OTOP1: variants seen among roughly 807,000 people sequenced by gnomAD.
OTOP1 encodes otopetrin 1.
In OTOP1, 59 loss-of-function variants were observed where a neutral mutation model predicts 52.9. The ratio of observed to expected loss-of-function variants is 1.12; its 90% confidence interval spans 0.91 to 1.39. The LOEUF is 1.39. Ranked by LOEUF, OTOP1 falls within the 40% of genes most tolerant of loss-of-function variation. The pLI is 0.00. For missense variants in OTOP1, 761 were observed against 800.9 expected (o/e 0.95, Z 0.60); for synonymous variants, 317 against 337.7 (o/e 0.94, Z 0.67).
intron 1 of OTOP1, among the ~76,000 whole-genome samples, chr4:4,225,836 C>G (rs865965258): frequency 6.6e-6 from 1 of 152,020 alleles, no homozygotes; most frequent in Admixed American, 6.6e-5. Flanking sequence ...AACACTGGAG[C>G]CCAGTGCGGG....
rs545813611 is a variant in OTOP1, at chr4:4,203,973, A to G, written c.600-1395T>C. Among the ~76,000 whole-genome samples, 4 of 152,308 alleles carry G rather than the reference A, an allele frequency of 2.6e-5. No individual in the cohort carries two copies. The East Asian group carries it at 5.8e-4, about 22-fold the overall frequency. ...TCAACTCAATACCTATAGGACATCAAAGAAGCTGGGTCTTGGAAGCAGAGC... is the reference window on the plus strand; with the variant it reads ...TCAACTCAATACCTATAGGACATCAGAGAAGCTGGGTCTTGGAAGCAGAGC... On this transcript the variant is annotated intron_variant, in intron 3 of 5. Coordinates refer to ENST00000296358, the MANE Select transcript of OTOP1 (RefSeq NM_177998.3).
In OTOP1 at chr4:4,202,509, C is replaced by T. The variant is rs771507210; in HGVS notation, c.669G>A (p.Lys223=). 1.9e-6 allele frequency: 3 copies of T among 1,614,094 alleles called. No homozygotes were observed. Among genetic ancestry groups the T allele is most frequent in the Middle Eastern group, 1.6e-4 (1 of 6,062 alleles). The change falls in exon 4 of 6, where the codon AAG becomes AAA. Residue 223 remains lysine, a synonymous_variant. Transcript: ENST00000296358. ...GTTCCTTGTGCTCATTGAGTTGGTG[C>T]TTTGACTCATTGAGGACGCCATTGG... ...LWANGVLNES[K]HQLNEHKERL...
chr4:4,206,008 GA>G (rs1241555466), intron 3 of OTOP1, 63 bp downstream of exon 3: 21 of 1,370,734 alleles, frequency 1.5e-5, no homozygotes, highest in Non-Finnish European at 2.2e-5. Flanking sequence ...TGGCAGTGAT[GA>G]GTTTTGAAAA....
rs200290050 is a variant in OTOP1, at chr4:4,188,743, C to T, written c.*60G>A. The T allele has an allele frequency of 1.3e-6, 2 of 1,485,852 alleles. No individual in the cohort carries two copies. The highest frequency in any genetic ancestry group is 1.8e-6 in the Non-Finnish European group (2 of 1,107,710). The allele number at this position is 1,485,852 out of a possible 1,614,324, so 92.0% of individuals were successfully genotyped here. The stretch of plus-strand genomic sequence containing the variant: ...AGGCAATATTTGCCCAACCTGGCCA[C>T]TCCTAGTTGGCTCCAATGAACTCTT... On this transcript the variant is annotated 3_prime_UTR_variant, in exon 6 of 6. Transcript: ENST00000296358.
chr4:4,225,770 G>C (rs1717416613), intron 1 of OTOP1, among the ~76,000 whole-genome samples: 1 of 152,136 alleles, frequency 6.6e-6, no homozygotes, highest in Non-Finnish European at 1.5e-5. Flanking sequence ...CTAGGACCGA[G>C]AGACAGGGAT....
At chr4:4,191,882 A>G (rs1716517259) in intron 5 of OTOP1, among the ~76,000 whole-genome samples, 1 of 152,212 alleles carries the variant, frequency 6.6e-6, no homozygotes, top group Admixed American at 6.5e-5. Context: ...TAGGTACTCA[A>G]GGAACACCTT....
chr4:4,194,023 A>C (rs1488575354), intron 5 of OTOP1, among the ~76,000 whole-genome samples: 2 of 152,098 alleles, frequency 1.3e-5, no homozygotes, highest in East Asian at 3.9e-4. Flanking sequence ...CCCTGTCTCT[A>C]CTAAAAATAG....
chr4:4,191,073 C>T (rs1307854442), intron 5 of OTOP1, among the ~76,000 whole-genome samples: 1 of 152,166 alleles, frequency 6.6e-6, no homozygotes, highest in East Asian at 1.9e-4. Context: ...ACTCAACCCA[C>T]CTTCCCCATT....
In OTOP1 at chr4:4,197,584, C is replaced by T. The variant is rs199980035; in HGVS notation, c.1250G>A (p.Gly417Asp). ...GSILAILCAE[G>D]HPRYTWYNLP... ...GTTGTACCAGGTGTAGCGGGGGTGG[C>T]CCTCAGCACAGAGGATGGCCAAGAT... Residue 417 changes from glycine to aspartate, a missense_variant, in exon 5 of 6, where the codon GGC becomes GAC. By Grantham distance (94) the Gly-to-Asp change is moderately conservative. Transcript: ENST00000296358. 1.1e-3 allele frequency: 1,781 copies of T among 1,613,836 alleles called. 37 individuals are homozygous for T. The South Asian group carries it at 0.018, about 17-fold the overall frequency.
intron 3 of OTOP1, among the ~76,000 whole-genome samples, chr4:4,205,209 C>A (rs1427553760): frequency 6.6e-6 from 1 of 152,202 alleles, no homozygotes; most frequent in Non-Finnish European, 1.5e-5. Flanking sequence ...CCTACACTTG[C>A]TGAGTGCCTG....
chr4:4,208,844 A>C (rs1348326254), intron 2 of OTOP1, among the ~76,000 whole-genome samples: 1 of 152,226 alleles, frequency 6.6e-6, no homozygotes, highest in East Asian at 1.9e-4. Context: ...TGGAAATAGA[A>C]ATAAGAATTA....
intron 1 of OTOP1, among the ~76,000 whole-genome samples, chr4:4,219,872 T>C (rs1437005141): frequency 2.7e-5 from 4 of 146,538 alleles, no homozygotes; most frequent in Admixed American, 6.9e-5. Context: ...TATGTATACA[T>C]ATATGTATAT....
At chr4:4,213,610 C>T (rs1285005229) in intron 1 of OTOP1, among the ~76,000 whole-genome samples, 2 of 152,184 alleles carry the variant, frequency 1.3e-5, no homozygotes, top group Admixed American at 1.3e-4. Flanking sequence ...ATAATGTCGT[C>T]ATGGCTCATC....
chr4:4,206,062 C>T lies in OTOP1; in HGVS notation c.599+10G>A, dbSNP rs1365247452. 8.1e-6 allele frequency: 13 copies of T among 1,596,448 alleles called. No homozygotes were observed. The South Asian group carries it at 1.4e-4, about 18-fold the overall frequency. On this transcript the variant is annotated intron_variant, in intron 3 of 5. Coordinates refer to ENST00000296358, the MANE Select transcript of OTOP1 (RefSeq NM_177998.3). ...ATTCAACATATAAAGCAATTACCCA[C>T]AATTTTTACCTTTCCAGTGTTTTGA...
intron 1 of OTOP1, among the ~76,000 whole-genome samples, chr4:4,220,050 C>T (rs200075419): frequency 0.34 from 8,158 of 23,814 alleles, 517 homozygotes; most frequent in East Asian, 0.52. Context: ...TACATATATA[C>T]ATATACGTGT....
At chr4:4,215,961 C>A (rs921611581) in intron 1 of OTOP1, among the ~76,000 whole-genome samples, 3 of 152,008 alleles carry the variant, frequency 2.0e-5, no homozygotes, top group Non-Finnish European at 4.4e-5. Flanking sequence ...CCATGCCCAG[C>A]TAATTTTTTG....
chr4:4,202,326 C>G (rs1390325094), intron 4 of OTOP1, 122 bp downstream of exon 4: 1 of 1,376,264 alleles, frequency 7.3e-7, no homozygotes, highest in Non-Finnish European at 1.0e-6. Flanking sequence ...CTGGCTGATG[C>G]TGAGTTGGGT....
At position 4,197,727 on chromosome 4, in the gene OTOP1, G is replaced by T. The variant is rs751705652; in HGVS notation, c.1107C>A (p.Ile369=). The change falls in exon 5 of 6, where the codon ATC becomes ATA. Residue 369 remains isoleucine (I), a synonymous_variant. Coordinates refer to ENST00000296358, the MANE Select transcript of OTOP1 (RefSeq NM_177998.3). ...ACTTCTCGTCTATCCTGTAAATCCG[G>T]ATTCCAGCCAGCCCCGCAGCCCCCA... is the stretch of plus-strand genomic sequence containing the variant. ...MLMGAAGLAG[I]RIYRIDEKSL... The T allele has an allele frequency of 1.9e-6, 3 of 1,613,806 alleles. No individual in the cohort carries two copies. The highest frequency in any genetic ancestry group is 2.5e-6 in the Non-Finnish European group (3 of 1,179,998).
chr4:4,216,444 G>T (rs917079295), intron 1 of OTOP1, among the ~76,000 whole-genome samples: 1 of 152,130 alleles, frequency 6.6e-6, no homozygotes, highest in Non-Finnish European at 1.5e-5. Context: ...AAACTGGATC[G>T]TGTATGACGT....
Sources: gnomAD v4.1 joint callset for allele counts (sites outside exome capture counted in the v4.1 genomes callset) on GRCh38, gnomAD v4.1.1 for gene constraint, MANE v1.5 for transcripts, NCBI Gene and HGNC (gene_info 2026-07-23, HGNC 2026-07-21) for gene names.